LPCAT2: variants seen among roughly 807,000 people sequenced by gnomAD.
LPCAT2 encodes lysophosphatidylcholine acyltransferase 2.
LPCAT2 carries 58 observed loss-of-function variants against 64.7 expected under a neutral mutation model. That is an observed-to-expected ratio of 0.90 (90% confidence interval 0.73 to 1.12). The LOEUF (loss-of-function observed/expected upper bound fraction) is 1.12, where lower values mean the gene tolerates loss of function less well. LPCAT2 is among the 50% of genes most tolerant of loss of function. The pLI is 0.00. For missense variants in LPCAT2, 579 were observed against 669.8 expected, an observed-to-expected ratio of 0.86 and a Z score of 1.50; for synonymous variants, 252 against 245.3, an observed-to-expected ratio of 1.03 and a Z score of -0.26.
chr16:55,579,352 C>A, intron 13 of LPCAT2, 108 bp downstream of exon 13: 1 of 1,039,032 alleles, frequency 9.6e-7, no homozygotes, highest in Non-Finnish European at 1.4e-6. Flanking sequence ...TAATAATAGA[C>A]ATAATAGTAA....
At chr16:55,522,759 T>C (rs1463727320) in intron 1 of LPCAT2, among the ~76,000 whole-genome samples, 1 of 151,664 alleles carries the variant, frequency 6.6e-6, no homozygotes, top group Non-Finnish European at 1.5e-5. Context: ...GATAAATTTA[T>C]GGTTAAAAAT....
intron 3 of LPCAT2, among the ~76,000 whole-genome samples, chr16:55,529,171 C>T (rs532765932): frequency 1.3e-5 from 2 of 152,240 alleles, no homozygotes; most frequent in South Asian, 2.1e-4. Context: ...GAATTGTCTC[C>T]AAGTAACTAC....
At chr16:55,547,818 A>G (rs1433632153) in intron 9 of LPCAT2, among the ~76,000 whole-genome samples, 1 of 151,756 alleles carries the variant, frequency 6.6e-6, no homozygotes, top group African/African-American at 2.4e-5. Context: ...CTCAGGCTGG[A>G]GTGCAATGGT....
chr16:55,567,031 A>G, intron 11 of LPCAT2: 1 of 1,613,898 alleles, frequency 6.2e-7, no homozygotes, highest in Non-Finnish European at 8.5e-7. Flanking sequence ...GCTGGACCAG[A>G]CATGGAGGTG....
At chr16:55,558,031 C>T (rs760485372) in intron 11 of LPCAT2, among the ~76,000 whole-genome samples, 12 of 152,268 alleles carry the variant, frequency 7.9e-5, no homozygotes, top group South Asian at 4.1e-4. Flanking sequence ...AGACCCTTTC[C>T]GTCTTTGGGT....
In LPCAT2 at chr16:55,545,807, T is replaced by C. The variant is rs368472279; in HGVS notation, c.925T>C (p.Leu309=). The change falls in exon 9 of 14, where the codon TTA becomes CTA. Residue 309 remains leucine (L), a synonymous_variant. Transcript: ENST00000262134. The stretch of plus-strand genomic sequence containing the variant: ...CCTTTTTGCCAATAAAGTCCGGAAT[T>C]TAATGGCAGAGTAAGTGTCTATATT... The part of the protein sequence containing the change: ...PVLFANKVRN[L]MAEALGIPVT... 1 of 1,609,348 alleles carries C rather than the reference T, an allele frequency of 6.2e-7. No homozygotes were observed. The highest frequency in any genetic ancestry group is 1.1e-5 in the South Asian group (1 of 90,684).
At chr16:55,565,494 T>C (rs1357377418) in intron 11 of LPCAT2, among the ~76,000 whole-genome samples, 1 of 152,094 alleles carries the variant, frequency 6.6e-6, no homozygotes, top group African/African-American at 2.4e-5. Context: ...AATGAGTATA[T>C]TAATGCAATA....
intron 3 of LPCAT2, 68 bp downstream of exon 3, chr16:55,528,662 T>C: frequency 8.6e-7 from 1 of 1,167,312 alleles, no homozygotes; most frequent in Non-Finnish European, 1.2e-6. Context: ...AATAATCATA[T>C]ATAGTTCATT....
chr16:55,583,119 A>C lies in LPCAT2; in HGVS notation c.*21A>C. ...ACTGAAAGCAGTATTTCCAATAAGG[A>C]AAACACAGTAGCTTTTGCTTGAAAT... On this transcript the variant is annotated 3_prime_UTR_variant, in exon 14 of 14. Transcript: ENST00000262134. The C allele has an allele frequency of 6.3e-7, 1 of 1,577,176 alleles. No individual in the cohort carries two copies. Among genetic ancestry groups the C allele is most frequent in the Non-Finnish European group, 8.7e-7 (1 of 1,155,830 alleles).
chr16:55,522,364 T>C (rs1280298637), intron 1 of LPCAT2, among the ~76,000 whole-genome samples: 1 of 151,776 alleles, frequency 6.6e-6, no homozygotes, highest in African/African-American at 2.4e-5. Flanking sequence ...ACCATGTTTA[T>C]GAATTGGAAG....
intron 1 of LPCAT2, among the ~76,000 whole-genome samples, chr16:55,517,203 A>C (rs1351539541): frequency 2.0e-5 from 3 of 152,202 alleles, no homozygotes; most frequent in African/African-American, 7.2e-5. Context: ...GATTATAAGG[A>C]ATTATATGAA....
chr16:55,514,815 C>A (rs1395174710), intron 1 of LPCAT2, among the ~76,000 whole-genome samples: 2 of 150,866 alleles, frequency 1.3e-5, no homozygotes, highest in Admixed American at 1.3e-4. Flanking sequence ...CTAAAGGAAA[C>A]CATGTTTAAA....
chr16:55,572,818 G>A (rs191380617), intron 11 of LPCAT2, among the ~76,000 whole-genome samples: 78 of 152,218 alleles, frequency 5.1e-4, no homozygotes, highest in Middle Eastern at 3.4e-3. Flanking sequence ...GGGCAAGAGA[G>A]TAAGAGCATA....
intron 1 of LPCAT2, among the ~76,000 whole-genome samples, chr16:55,513,450 G>A (rs1433800847): frequency 6.6e-6 from 1 of 151,464 alleles, no homozygotes; most frequent in East Asian, 1.9e-4. Context: ...AAACTGAGAT[G>A]AGACATCAGC....
intron 7 of LPCAT2, among the ~76,000 whole-genome samples, chr16:55,535,785 C>T (rs1963315803): frequency 1.3e-5 from 2 of 152,144 alleles, no homozygotes; most frequent in South Asian, 4.1e-4. Flanking sequence ...AAGTTCCTTA[C>T]AGAGATAGTG....
chr16:55,530,221 C>G (rs1288563862), intron 4 of LPCAT2, among the ~76,000 whole-genome samples: 1 of 152,196 alleles, frequency 6.6e-6, no homozygotes, highest in East Asian at 1.9e-4. Context: ...TTCTCTAACT[C>G]TAAATTTAAT....
intron 7 of LPCAT2, among the ~76,000 whole-genome samples, chr16:55,535,367 AT>A (rs1349548212): frequency 6.6e-6 from 1 of 152,162 alleles, no homozygotes; most frequent in Non-Finnish European, 1.5e-5. Flanking sequence ...TAATTTCTCC[AT>A]TTTGTGTATA....
At chr16:55,541,339 A>G (rs1253601443) in intron 8 of LPCAT2, 1 of 152,140 alleles carries the variant, frequency 6.6e-6, no homozygotes, top group Non-Finnish European at 1.5e-5. Context: ...GATTGCAATT[A>G]ATAATGAGTA....
intron 1 of LPCAT2, among the ~76,000 whole-genome samples, chr16:55,523,914 T>C (rs1963133589): frequency 2.0e-5 from 3 of 152,042 alleles, no homozygotes; most frequent in South Asian, 4.1e-4. Context: ...ATGTACATTG[T>C]ACCTTAATAA....
Sources: gnomAD v4.1 joint callset for allele counts (sites outside exome capture counted in the v4.1 genomes callset) on GRCh38, gnomAD v4.1.1 for gene constraint, MANE v1.5 for transcripts, NCBI Gene and HGNC (gene_info 2026-07-23, HGNC 2026-07-21) for gene names.